Variants in IL20RA observed in about 807,000 individuals in gnomAD.
IL20RA encodes the protein interleukin 20 receptor subunit alpha, also known as interleukin-20 receptor subunit alpha.
IL20RA carries 29 observed loss-of-function variants against 36.5 expected under a neutral mutation model. That is an observed-to-expected ratio of 0.79 (90% CI 0.59 to 1.08). The LOEUF is 1.08. IL20RA is among the 50% of genes least tolerant of loss of function. The probability of loss-of-function intolerance (pLI) is 0.00; values close to 1 mark genes in which losing one functional copy is unlikely to be tolerated. For missense variants in IL20RA, 652 were observed against 668.4 expected (o/e 0.98, Z 0.27); for synonymous variants, 279 against 267.1 (o/e 1.04, Z -0.43).
intron 1 of IL20RA, chr6:137,044,198 G>A: frequency 1.0e-6 from 1 of 987,070 alleles, no homozygotes; most frequent in Non-Finnish European, 1.2e-6. Context: ...CAGGACTGCG[G>A]GGCCCGGCGG....
In IL20RA at chr6:137,008,601, T is replaced by G; in HGVS notation, c.722A>C (p.Lys241Thr). 1.9e-6 allele frequency: 3 copies of G among 1,587,380 alleles called. No homozygotes were observed. The highest frequency in any genetic ancestry group is 2.6e-6 in the Non-Finnish European group (3 of 1,168,134). ...PSEKQCARTL[K>T]DQSSEFKAKI... ...AGCAAAGATTTTTTAAAGCTTACCT[T>G]TCAAAGTCCTGGCACACTGCTTCTC... Residue 241 changes from lysine (K) to threonine (T), a missense_variant and splice_region_variant, in exon 5 of 7, where the codon AAA becomes ACA. By Grantham distance (78) the Lys-to-Thr change is moderately conservative. Coordinates refer to ENST00000316649, the MANE Select transcript of IL20RA (RefSeq NM_014432.4).
chr6:137,044,118 A>C (rs997137018), intron 1 of IL20RA: 5 of 985,608 alleles, frequency 5.1e-6, no homozygotes, highest in Non-Finnish European at 6.0e-6. Flanking sequence ...TTTCTGGATC[A>C]TGTTCCTTCG....
At chr6:137,030,030 T>C (rs1405710862) in intron 1 of IL20RA, among the ~76,000 whole-genome samples, 1 of 147,212 alleles carries the variant, frequency 6.8e-6, no homozygotes, top group Non-Finnish European at 1.5e-5. Flanking sequence ...TCTTTCATTT[T>C]CATTAAAGAA....
In IL20RA at chr6:137,044,646, C is replaced by A. The variant is rs924590581; in HGVS notation, c.83G>T (p.Arg28Leu). 3 of 1,222,924 alleles carry A rather than the reference C, an allele frequency of 2.5e-6. No individual in the cohort carries two copies. The South Asian group carries it at 1.2e-4, about 50-fold the overall frequency. The allele number at this position is 1,222,924 out of a possible 1,614,324, so 75.8% of individuals were successfully genotyped here. ...LLLLLAAPWG[R>L]AVPCVSGGLP... is the part of the protein sequence containing the mutation. ...TGGCGGCGCGACCCACCTACCTGCCCGTCCCCAAGGCGCCGCCAGGAGCAA... is the reference window on the plus strand; with the variant it reads ...TGGCGGCGCGACCCACCTACCTGCCAGTCCCCAAGGCGCCGCCAGGAGCAA... Residue 28 changes from arginine (R) to leucine (L), a missense_variant, in exon 1 of 7, where the codon CGG (arginine) becomes CTG (leucine). Transcript: ENST00000316649.
intron 1 of IL20RA, among the ~76,000 whole-genome samples, chr6:137,032,753 C>T (rs1371719061): frequency 6.6e-6 from 1 of 152,158 alleles, no homozygotes; most frequent in East Asian, 1.9e-4. Context: ...GTTCGGTAGC[C>T]ATCAAGAACA....
chr6:137,031,197 C>T (rs1776265719), intron 1 of IL20RA, among the ~76,000 whole-genome samples: 1 of 152,202 alleles, frequency 6.6e-6, no homozygotes. Context: ...ACATCCAATT[C>T]GCTCACCTAT....
rs942835781 is a variant in IL20RA, at chr6:137,012,060, G to A, written c.225-608C>T. ...CAACCCCCATAGCAAATAGGGAGGTGGCAATATTTTCAGCCCTTTTCAGGT... is the reference window on the plus strand; with the variant it reads ...CAACCCCCATAGCAAATAGGGAGGTAGCAATATTTTCAGCCCTTTTCAGGT... On this transcript the variant is annotated intron_variant, in intron 2 of 6. Coordinates refer to ENST00000316649, the MANE Select transcript of IL20RA (RefSeq NM_014432.4). Among the ~76,000 whole-genome samples, 6 of 152,120 alleles carry A rather than the reference G, an allele frequency of 3.9e-5. No individual in the cohort carries two copies. In the East Asian group the frequency reaches 1.2e-3, roughly 29 times the overall value.
At chr6:137,024,191 T>C (rs1776008740) in intron 1 of IL20RA, among the ~76,000 whole-genome samples, 2 of 152,224 alleles carry the variant, frequency 1.3e-5, no homozygotes, top group African/African-American at 4.8e-5. Flanking sequence ...ATAACTAGTA[T>C]TCTCTTTAGT....
At chr6:137,028,544 G>A (rs1776172641) in intron 1 of IL20RA, among the ~76,000 whole-genome samples, 1 of 152,086 alleles carries the variant, frequency 6.6e-6, no homozygotes, top group African/African-American at 2.4e-5. Context: ...ATATGGATGA[G>A]CAATACATAA....
intron 2 of IL20RA, among the ~76,000 whole-genome samples, chr6:137,015,335 T>A (rs962077064): frequency 6.6e-6 from 1 of 152,232 alleles, no homozygotes; most frequent in African/African-American, 2.4e-5. Context: ...AAAAAAAGCA[T>A]GTTCTCCCTG....
chr6:137,042,015 A>C (rs138343835), intron 1 of IL20RA, among the ~76,000 whole-genome samples: 4,600 of 150,272 alleles, frequency 0.031, 247 homozygotes, highest in African/African-American at 0.11. Flanking sequence ...CCCTGTGTCC[A>C]TGTGTTTTCA....
At chr6:137,020,594 A>T (rs181119665) in intron 1 of IL20RA, among the ~76,000 whole-genome samples, 197 of 152,262 alleles carry the variant, frequency 1.3e-3, no homozygotes, top group African/African-American at 4.5e-3. Flanking sequence ...TGTTTATGAA[A>T]AAAATTAAAA....
At chr6:137,038,027 T>A (rs1698535586) in intron 1 of IL20RA, 1 of 152,020 alleles carries the variant, frequency 6.6e-6, no homozygotes, top group Admixed American at 6.6e-5. Context: ...AGCAGACAGG[T>A]CATTACTTGG....
At position 137,009,318 on chromosome 6, in the gene IL20RA, G is replaced by A. The variant is rs142288648; in HGVS notation, c.578C>T (p.Thr193Met). ...VSVLNTKSNRTWSQCVTNHTL... is the reference protein window; with the variant it reads ...VSVLNTKSNRMWSQCVTNHTL... ...TGCCCCATTCCATTTCAGGCTTACC[G>A]TTCTGTTTGATTTAGTATTCAACAC... is the stretch of plus-strand genomic sequence containing the variant. Residue 193 changes from threonine to methionine, a missense_variant and splice_region_variant, in exon 4 of 7, where the codon ACG becomes ATG. Coordinates refer to ENST00000316649, the MANE Select transcript of IL20RA (RefSeq NM_014432.4). 303 of 1,611,694 alleles carry A rather than the reference G, an allele frequency of 1.9e-4. 2 individuals are homozygous for A. The African/African-American group carries it at 2.3e-3, about 12-fold the overall frequency.
At chr6:137,010,211 G>A (rs770208993) in intron 3 of IL20RA, among the ~76,000 whole-genome samples, 1 of 152,192 alleles carries the variant, frequency 6.6e-6, no homozygotes, top group Non-Finnish European at 1.5e-5. Flanking sequence ...GAGACCAGGC[G>A]ACTTTTATCC....
chr6:137,041,735 A>G (rs1202473667), intron 1 of IL20RA, among the ~76,000 whole-genome samples: 1 of 152,118 alleles, frequency 6.6e-6, no homozygotes, highest in Admixed American at 6.5e-5. Context: ...CCAAAACTCA[A>G]GTTTATTTGT....
chr6:137,006,248 C>T (rs1181852879), intron 5 of IL20RA, among the ~76,000 whole-genome samples: 5 of 152,162 alleles, frequency 3.3e-5, no homozygotes, highest in East Asian at 1.9e-4. Flanking sequence ...CAACAAGAGC[C>T]GGTGGGAAAA....
chr6:137,001,936 T>C lies in IL20RA; in HGVS notation c.1284A>G (p.Gln428=), dbSNP rs1314846922. The C allele has an allele frequency of 1.2e-6, 2 of 1,614,070 alleles. No homozygotes were observed. Among genetic ancestry groups the C allele is most frequent in the East Asian group, 4.5e-5 (2 of 44,902 alleles). The stretch of plus-strand genomic sequence containing the variant: ...CTGCCTGCGACTCCAATAATGTTCC[T>C]TGTGTGGACACCTCCTCCTGCAAAC... ...ELSLQEEVST[Q]GTLLESQAAL... is the part of the protein sequence containing the mutation. Residue 428 remains glutamine (Q), a synonymous_variant, in exon 7 of 7, where the codon CAA becomes CAG. Transcript: ENST00000316649.
chr6:137,010,635 C>A (rs558502297), intron 3 of IL20RA, among the ~76,000 whole-genome samples: 24 of 152,120 alleles, frequency 1.6e-4, no homozygotes, highest in Admixed American at 9.8e-4. Context: ...CAGGGGATGG[C>A]AACATTTTAA....
Sources: gnomAD v4.1 joint callset for allele counts (sites outside exome capture counted in the v4.1 genomes callset) on GRCh38, gnomAD v4.1.1 for gene constraint, MANE v1.5 for transcripts, NCBI Gene and HGNC (gene_info 2026-07-23, HGNC 2026-07-21) for gene names.